Variants in MTUS2 observed in about 807,000 individuals in gnomAD.
The protein encoded by MTUS2 is microtubule associated scaffold protein 2.
A neutral mutation model predicts 114.1 loss-of-function variants in MTUS2; 40 were observed. The ratio of observed to expected loss-of-function variants is 0.35; its 90% CI spans 0.27 to 0.46. The LOEUF (loss-of-function observed/expected upper bound fraction) is 0.46, where lower values mean the gene tolerates loss of function less well. MTUS2 is among the 20% of genes least tolerant of loss of function. The probability of loss-of-function intolerance (pLI) is 1.00; values close to 1 mark genes in which losing one functional copy is unlikely to be tolerated. For missense variants in MTUS2, 1,679 were observed against 1,705.4 expected (o/e 0.98, Z 0.27); for synonymous variants, 688 against 672.0 (o/e 1.02, Z -0.37).
chr13:28,959,387 A>G (rs996179385), intron 2 of MTUS2, among the ~76,000 whole-genome samples: 19 of 152,126 alleles, frequency 1.2e-4, no homozygotes, highest in Admixed American at 3.9e-4. Flanking sequence ...CCCACTAGCA[A>G]TGAGGTCGCA....
At chr13:29,385,077 G>A (rs146596825) in intron 8 of MTUS2, among the ~76,000 whole-genome samples, 27 of 152,332 alleles carry the variant, frequency 1.8e-4, no homozygotes, top group African/African-American at 6.5e-4. Context: ...GAGTTCAGCA[G>A]GGAGCAAGAC....
At chr13:29,467,341 T>A (rs1342184755) in intron 9 of MTUS2, among the ~76,000 whole-genome samples, 1 of 152,190 alleles carries the variant, frequency 6.6e-6, no homozygotes, top group African/African-American at 2.4e-5. Flanking sequence ...TGAGATAAAA[T>A]TAAAAATCAT....
intron 9 of MTUS2, among the ~76,000 whole-genome samples, chr13:29,441,353 C>A (rs1242078030): frequency 1.3e-5 from 2 of 152,158 alleles, no homozygotes; most frequent in African/African-American, 4.8e-5. Context: ...GAAAGTGGCC[C>A]CACTCCCCGC....
At chr13:29,173,827 C>A (rs144723408) in intron 5 of MTUS2, among the ~76,000 whole-genome samples, 127 of 152,038 alleles carry the variant, frequency 8.4e-4, no homozygotes, top group Middle Eastern at 3.4e-3. Context: ...AAATAAAAAT[C>A]GCAAAAACAC....
At chr13:28,911,172 GCTT>G (rs1444669962) in intron 2 of MTUS2, among the ~76,000 whole-genome samples, 6 of 119,680 alleles carry the variant, frequency 5.0e-5, no homozygotes, top group Non-Finnish European at 8.4e-5. Context: ...ACTGCGCCCT[GCTT>G]TTTTTTTTTT....
intron 11 of MTUS2, among the ~76,000 whole-genome samples, chr13:29,491,752 TGCGTGTG>T (rs1882119097): frequency 6.8e-6 from 1 of 146,848 alleles, no homozygotes. Context: ...GGTGTGTGTG[TGCGTGTG>T]GTATGTGTGT....
At chr13:28,888,283 A>T (rs1325501593) in intron 2 of MTUS2, among the ~76,000 whole-genome samples, 1 of 152,242 alleles carries the variant, frequency 6.6e-6, no homozygotes, top group African/African-American at 2.4e-5. Context: ...TACAGTAAAA[A>T]TAGCTATTGA....
chr13:29,011,183 C>T (rs1265048823), intron 2 of MTUS2, among the ~76,000 whole-genome samples: 1 of 152,216 alleles, frequency 6.6e-6, no homozygotes, highest in Non-Finnish European at 1.5e-5. Context: ...GGGTATTTAA[C>T]AGTGAATTTC....
At position 28,827,757 on chromosome 13, in the gene MTUS2, G is replaced by A. The variant is rs148257273; in HGVS notation, c.-316+7146G>A. Among the ~76,000 whole-genome samples the A allele has an allele frequency of 4.0e-4, 61 of 152,274 alleles. 1 individual carries two copies. The East Asian group carries it at 9.6e-3, about 24-fold the overall frequency. On this transcript the variant is annotated intron_variant, in intron 1 of 15. Transcript: ENST00000612955. ...CAGGTTCCGTGATGCCCCTCAAGCC[G>A]CAAAACCAGCAAGTTTTTATTAGTG...
intron 2 of MTUS2, among the ~76,000 whole-genome samples, chr13:28,914,636 A>G (rs139393964): frequency 4.6e-5 from 7 of 152,132 alleles, no homozygotes; most frequent in Non-Finnish European, 7.4e-5. Flanking sequence ...GGTCCTGAAT[A>G]TCTTTGTTAA....
intron 2 of MTUS2, among the ~76,000 whole-genome samples, chr13:28,958,511 C>A (rs954608054): frequency 1.3e-5 from 2 of 152,190 alleles, no homozygotes; most frequent in Admixed American, 6.5e-5. Flanking sequence ...GTCTGTTATT[C>A]TTAGTCTGTT....
At chr13:29,030,331 GTCT>G (rs1279857212) in intron 3 of MTUS2, among the ~76,000 whole-genome samples, 3 of 152,132 alleles carry the variant, frequency 2.0e-5, no homozygotes, top group Non-Finnish European at 4.4e-5. Context: ...GCATCCCAAA[GTCT>G]TCTTCAAAGA....
intron 5 of MTUS2, among the ~76,000 whole-genome samples, chr13:29,241,315 C>T (rs755743474): frequency 6.6e-6 from 1 of 152,196 alleles, no homozygotes; most frequent in Non-Finnish European, 1.5e-5. Flanking sequence ...ATGCCTGTCA[C>T]AATATAGCAC....
chr13:29,335,840 G>A (rs1231251129), intron 7 of MTUS2, among the ~76,000 whole-genome samples: 2 of 152,118 alleles, frequency 1.3e-5, no homozygotes, highest in African/African-American at 4.8e-5. Context: ...CATAGGTTTG[G>A]TCTTTTCATG....
At chr13:29,016,096 G>T (rs1886054484) in intron 2 of MTUS2, among the ~76,000 whole-genome samples, 1 of 151,956 alleles carries the variant, frequency 6.6e-6, no homozygotes, top group Non-Finnish European at 1.5e-5. Flanking sequence ...GTAGAGACGG[G>T]GTTTCACCAT....
intron 8 of MTUS2, among the ~76,000 whole-genome samples, chr13:29,394,915 A>G (rs1368190198): frequency 6.6e-6 from 1 of 152,014 alleles, no homozygotes; most frequent in East Asian, 1.9e-4. Context: ...TTCATCCTGA[A>G]ACACCCCCCA....
chr13:29,154,211 A>T (rs950883959), intron 5 of MTUS2, among the ~76,000 whole-genome samples: 2 of 152,224 alleles, frequency 1.3e-5, no homozygotes, highest in Non-Finnish European at 2.9e-5. Context: ...TTGAGAACAT[A>T]TAAGATTTAT....
intron 5 of MTUS2, among the ~76,000 whole-genome samples, chr13:29,118,361 G>C (rs1208000809): frequency 6.6e-6 from 1 of 152,068 alleles, no homozygotes; most frequent in Non-Finnish European, 1.5e-5. Flanking sequence ...TGGACACTGG[G>C]CTGGAACCTG....
chr13:28,889,012 A>G (rs1878761806), intron 2 of MTUS2, among the ~76,000 whole-genome samples: 1 of 152,206 alleles, frequency 6.6e-6, no homozygotes, highest in South Asian at 2.1e-4. Flanking sequence ...GAAAAGTGTA[A>G]TTGATATTGA....
Sources: gnomAD v4.1 joint callset for allele counts (sites outside exome capture counted in the v4.1 genomes callset) on GRCh38, gnomAD v4.1.1 for gene constraint, MANE v1.5 for transcripts, NCBI Gene and HGNC (gene_info 2026-07-23, HGNC 2026-07-21) for gene names.